Variants in CTNNA3 observed in about 807,000 individuals in gnomAD.
CTNNA3 encodes catenin alpha-3.
A neutral mutation model predicts 95.7 loss-of-function variants in CTNNA3; 76 were observed. The ratio of observed to expected loss-of-function variants is 0.79; its 90% CI spans 0.66 to 0.96. CTNNA3 has a LOEUF of 0.96. Among genes scored for constraint, CTNNA3 ranks in the 40% least tolerant of loss-of-function variants. The pLI is 0.00. For synonymous variants in CTNNA3, 431 were observed against 374.4 expected (o/e 1.15, Z -1.74); for missense variants, 1,191 against 1,089.8 (o/e 1.09, Z -1.31).
chr10:66,005,488 T>C (rs747649650), intron 15 of CTNNA3, among the ~76,000 whole-genome samples: 1 of 152,170 alleles, frequency 6.6e-6, no homozygotes, highest in Non-Finnish European at 1.5e-5. Flanking sequence ...TTCTTAATTA[T>C]TTGCTAGCTG....
intron 5 of CTNNA3, among the ~76,000 whole-genome samples, chr10:67,488,649 G>A (rs1242726104): frequency 6.6e-6 from 1 of 150,546 alleles, no homozygotes; most frequent in Non-Finnish European, 1.5e-5. Flanking sequence ...GGGATTACAG[G>A]TGTGAGCCAA....
At chr10:65,980,734 A>T (rs963475613) in intron 16 of CTNNA3, among the ~76,000 whole-genome samples, 3 of 152,036 alleles carry the variant, frequency 2.0e-5, no homozygotes, top group African/African-American at 2.4e-5. Flanking sequence ...AAAAAATTTT[A>T]AAAATATTAC....
chr10:67,722,408 T>A (rs965232968), intron 1 of CTNNA3, among the ~76,000 whole-genome samples: 8 of 152,170 alleles, frequency 5.3e-5, no homozygotes, highest in Non-Finnish European at 1.0e-4. Flanking sequence ...GTTTTTGCTA[T>A]CCTCCTTGCT....
chr10:67,456,764 T>C (rs183791495), intron 5 of CTNNA3, among the ~76,000 whole-genome samples: 1 of 152,304 alleles, frequency 6.6e-6, no homozygotes, highest in East Asian at 1.9e-4. Flanking sequence ...TAACACATGT[T>C]CTCAATGACA....
intron 3 of CTNNA3, among the ~76,000 whole-genome samples, chr10:67,551,705 G>A (rs1841039530): frequency 6.6e-6 from 1 of 152,162 alleles, no homozygotes; most frequent in Non-Finnish European, 1.5e-5. Context: ...GAGCAGCGGG[G>A]CACTGAAGAA....
intron 15 of CTNNA3, among the ~76,000 whole-genome samples, chr10:66,043,591 A>G (rs2079754501): frequency 6.6e-6 from 1 of 152,202 alleles, no homozygotes; most frequent in Admixed American, 6.5e-5. Flanking sequence ...GTATGATTAT[A>G]CGAAGAGAAA....
intron 5 of CTNNA3, among the ~76,000 whole-genome samples, chr10:67,225,679 T>G (rs1864875959): frequency 1.3e-5 from 2 of 151,304 alleles, no homozygotes; most frequent in African/African-American, 4.9e-5. Context: ...AGCGGGAGAG[T>G]ACTACATCAA....
chr10:66,387,639 T>G (rs1224801831), intron 11 of CTNNA3, among the ~76,000 whole-genome samples: 2 of 152,180 alleles, frequency 1.3e-5, no homozygotes, highest in African/African-American at 2.4e-5. Context: ...TAAAGACACA[T>G]GCACACGTAT....
intron 6 of CTNNA3, among the ~76,000 whole-genome samples, chr10:67,194,778 G>C (rs1863272185): frequency 6.6e-6 from 1 of 151,882 alleles, no homozygotes; most frequent in Non-Finnish European, 1.5e-5. Context: ...ATTGATAATG[G>C]GGAGGCCATC....
intron 3 of CTNNA3, among the ~76,000 whole-genome samples, chr10:67,544,426 AGGG>A (rs201308921): frequency 0.13 from 19,665 of 152,222 alleles, 1,571 homozygotes; most frequent in East Asian, 0.3. Context: ...TGATACAGGA[AGGG>A]GAAACCAAGG....
intron 5 of CTNNA3, among the ~76,000 whole-genome samples, chr10:67,368,021 C>T (rs1589221646): frequency 6.6e-6 from 1 of 152,172 alleles, no homozygotes; most frequent in East Asian, 1.9e-4. Flanking sequence ...TGCGCATGTA[C>T]CCCTTGAATC....
chr10:66,532,040 T>C (rs1841483375), intron 10 of CTNNA3, among the ~76,000 whole-genome samples: 2 of 152,174 alleles, frequency 1.3e-5, no homozygotes, highest in Admixed American at 1.3e-4. Flanking sequence ...AGGACTTTTA[T>C]GTCAGAAACA....
intron 4 of CTNNA3, among the ~76,000 whole-genome samples, chr10:67,523,988 C>T (rs530648637): frequency 6.6e-6 from 1 of 152,250 alleles, no homozygotes; most frequent in African/African-American, 2.4e-5. Flanking sequence ...GTTTTAGCCC[C>T]TGCACTTTGT....
chr10:66,831,238 T>C lies in CTNNA3; in HGVS notation c.1048-55714A>G, dbSNP rs182721145. Among the ~76,000 whole-genome samples the C allele has an allele frequency of 3.9e-5, 6 of 152,326 alleles. No individual in the cohort carries two copies. In the South Asian group the frequency reaches 1.0e-3, roughly 26 times the overall value. ...TATTTTATTTCTTTAAACTCCCCAG[T>C]GATTCTCTGATGCTCTTTGGATCCA... On this transcript the variant is annotated intron_variant, in intron 7 of 17. Transcript: ENST00000433211.
chr10:66,958,099 CA>C (rs1438206521), intron 7 of CTNNA3, among the ~76,000 whole-genome samples: 2 of 152,028 alleles, frequency 1.3e-5, no homozygotes, highest in African/African-American at 4.8e-5. Context: ...CCTTCAGTAC[CA>C]GCTTCCAGAA....
chr10:66,900,438 A>C (rs1845692173), intron 7 of CTNNA3, among the ~76,000 whole-genome samples: 1 of 152,170 alleles, frequency 6.6e-6, no homozygotes, highest in East Asian at 1.9e-4. Flanking sequence ...AAAAGCAGAA[A>C]ATTTCAAAAA....
chr10:67,392,560 A>G (rs935531639), intron 5 of CTNNA3, among the ~76,000 whole-genome samples: 1 of 152,226 alleles, frequency 6.6e-6, no homozygotes, highest in Non-Finnish European at 1.5e-5. Flanking sequence ...TACTGGGTAT[A>G]TACCCAAAGG....
intron 7 of CTNNA3, among the ~76,000 whole-genome samples, chr10:66,884,550 A>G (rs954594317): frequency 6.6e-6 from 1 of 152,106 alleles, no homozygotes; most frequent in Admixed American, 6.6e-5. Context: ...CCATCTTGGA[A>G]GCAGATCTTC....
intron 5 of CTNNA3, among the ~76,000 whole-genome samples, chr10:67,453,697 T>C (rs965948799): frequency 1.3e-5 from 2 of 152,200 alleles, no homozygotes; most frequent in Non-Finnish European, 2.9e-5. Context: ...TCTGTAAAAA[T>C]GTGCAGATAA....
Sources: gnomAD v4.1 joint callset for allele counts (sites outside exome capture counted in the v4.1 genomes callset) on GRCh38, gnomAD v4.1.1 for gene constraint, MANE v1.5 for transcripts, NCBI Gene and HGNC (gene_info 2026-07-23, HGNC 2026-07-21) for gene names.